The following KLRG1 variants were observed in gnomAD, a reference collection of about 807,000 sequenced individuals.
KLRG1 encodes killer cell lectin like receptor G1, also known as killer cell lectin-like receptor subfamily G member 1.
KLRG1 carries 16 observed loss-of-function variants against 21.8 expected under a neutral mutation model. The observed-to-expected ratio is 0.73, with a 90% CI of 0.50 to 1.11. The LOEUF is 1.11. KLRG1 is among the 50% of genes most tolerant of loss of function. The pLI is 0.00. For synonymous variants in KLRG1, 69 were observed against 75.9 expected (o/e 0.91, Z 0.47); for missense variants, 173 against 218.3 (o/e 0.79, Z 1.31).
chr12:9,163,542 A>C, the KLRG1 span: 1 of 1,108,886 alleles, frequency 9.0e-7, no homozygotes, highest in Non-Finnish European at 1.3e-6. Context: ...CTTTTAGGGC[A>C]GGAAATTCCA....
At chr12:9,178,095 T>C in the KLRG1 span, among the ~76,000 whole-genome samples, 2 of 152,210 alleles carry the variant, frequency 1.3e-5, no homozygotes, top group African/African-American at 4.8e-5. Flanking sequence ...CAAATCAAGA[T>C]CAAGAAAAAT....
At chr12:9,028,097 A>C in the KLRG1 span, 4 of 1,073,292 alleles carry the variant, frequency 3.7e-6, no homozygotes, top group East Asian at 9.5e-5. Context: ...CAATCACTTC[A>C]ATTTTTCCAA....
rs112576720 is a variant in KLRG1, at chr12:9,009,237, C to CAAA, written c.459-174_459-172dup. Among the ~76,000 whole-genome samples, 390 of 107,868 alleles carry CAAA rather than the reference C, an allele frequency of 3.6e-3. 3 individuals are homozygous for CAAA. The highest frequency in any genetic ancestry group is 0.012 in the African/African-American group (357 of 28,756). 70.8% of individuals were successfully genotyped at this position (107,868 alleles called of 152,430 possible). On this transcript the variant is annotated intron_variant, in intron 4 of 4. Transcript: ENST00000356986. ...GAAGGGAATGAACAATGGGTAAGGG[C>CAAA]AAAAAAAAAAAAAAAAAGGATAACA...
chr12:9,011,788 T>A (rs1338040646), downstream of KLRG1, among the ~76,000 whole-genome samples: 1 of 152,068 alleles, frequency 6.6e-6, no homozygotes, highest in Non-Finnish European at 1.5e-5. Flanking sequence ...CACAGTGTGG[T>A]GTGGAGAGAG....
At chr12:9,092,881 A>G in the KLRG1 span, among the ~76,000 whole-genome samples, 3 of 152,224 alleles carry the variant, frequency 2.0e-5, no homozygotes, top group Non-Finnish European at 4.4e-5. Context: ...GGGTGAATGG[A>G]TAAATAAATT....
chr12:9,167,768 A>G, the KLRG1 span, among the ~76,000 whole-genome samples: 12 of 152,068 alleles, frequency 7.9e-5, no homozygotes, highest in Non-Finnish European at 1.5e-4. Context: ...TATGCCGTCA[A>G]TTTTCCATCT....
chr12:9,188,059 G>A, the KLRG1 span, among the ~76,000 whole-genome samples: 2 of 152,158 alleles, frequency 1.3e-5, no homozygotes, highest in African/African-American at 2.4e-5. Flanking sequence ...GAACATTGAT[G>A]CAAAAATCCT....
the KLRG1 span, among the ~76,000 whole-genome samples, chr12:9,156,545 A>C: frequency 2.0e-5 from 3 of 152,348 alleles, no homozygotes; most frequent in Non-Finnish European, 4.4e-5. Context: ...GGGGTATGGA[A>C]GAGCTGTTGT....
the KLRG1 span, chr12:9,090,072 T>A: frequency 6.4e-7 from 1 of 1,564,790 alleles, no homozygotes; most frequent in Non-Finnish European, 8.7e-7. Context: ...CCTTCCTCCA[T>A]GCCTCCAAAC....
the KLRG1 span, among the ~76,000 whole-genome samples, chr12:9,069,346 T>C: frequency 6.6e-6 from 1 of 152,246 alleles, no homozygotes; most frequent in Non-Finnish European, 1.5e-5. Context: ...TATTATTTTA[T>C]GGTTCAAGTC....
intron 1 of KLRG1, among the ~76,000 whole-genome samples, chr12:8,971,503 T>C (rs988451960): frequency 4.6e-5 from 7 of 152,194 alleles, no homozygotes; most frequent in African/African-American, 1.7e-4. Context: ...TTATTTTTTT[T>C]GAGACAGATT....
chr12:9,041,185 A>G, the KLRG1 span, among the ~76,000 whole-genome samples: 1 of 152,070 alleles, frequency 6.6e-6, no homozygotes, highest in South Asian at 2.1e-4. Flanking sequence ...AAAATACACA[A>G]TTAGCCAGGT....
chr12:9,203,704 A>G, the KLRG1 span: 71 of 1,559,874 alleles, frequency 4.6e-5, no homozygotes, highest in Non-Finnish European at 5.6e-5. Context: ...CTCCATCACC[A>G]TGACCTATAG....
At chr12:9,007,604 G>A (rs1947510548) in intron 3 of KLRG1, among the ~76,000 whole-genome samples, 4 of 151,994 alleles carry the variant, frequency 2.6e-5, no homozygotes, top group Admixed American at 2.6e-4. Flanking sequence ...CTCTTTATTT[G>A]TGCTGATGCA....
the KLRG1 span, chr12:9,057,769 C>T: frequency 1.3e-5 from 2 of 152,406 alleles, no homozygotes; most frequent in Admixed American, 6.5e-5. Context: ...GGCCTCATCT[C>T]TTTTTCCTTA....
intron 1 of KLRG1, among the ~76,000 whole-genome samples, chr12:8,972,049 C>G (rs115755815): frequency 0.018 from 2,729 of 152,276 alleles, 77 homozygotes; most frequent in African/African-American, 0.061. Context: ...GTTGTCTGTG[C>G]TTTTGGTGTT....
chr12:9,086,784 C>A, the KLRG1 span, among the ~76,000 whole-genome samples: 37 of 152,204 alleles, frequency 2.4e-4, no homozygotes, highest in Non-Finnish European at 4.1e-4. Flanking sequence ...GAAGTAGCAG[C>A]AAGAGCAATC....
chr12:9,021,097 A>C, the KLRG1 span, among the ~76,000 whole-genome samples: 40 of 152,320 alleles, frequency 2.6e-4, no homozygotes, highest in African/African-American at 9.1e-4. Context: ...TATAAAAGAT[A>C]AAAAATGGTA....
chr12:9,160,564 C>T, the KLRG1 span: 5 of 1,355,264 alleles, frequency 3.7e-6, no homozygotes, highest in Admixed American at 1.1e-4. Flanking sequence ...CAAAAATGGC[C>T]TTTATATTCA....
Sources: gnomAD v4.1 joint callset for allele counts (sites outside exome capture counted in the v4.1 genomes callset) on GRCh38, gnomAD v4.1.1 for gene constraint, MANE v1.5 for transcripts, NCBI Gene and HGNC (gene_info 2026-07-23, HGNC 2026-07-21) for gene names.